Variants in EDA2R observed in about 807,000 individuals in gnomAD.
The protein encoded by EDA2R is ectodysplasin A2 receptor, also known as tumor necrosis factor receptor superfamily member 27.
Under a neutral mutation model 20.1 loss-of-function variants are expected in EDA2R, and 26 were observed. The ratio of observed to expected loss-of-function variants is 1.30; its 90% CI spans 0.95 to 1.80. EDA2R has a LOEUF of 1.80. EDA2R is among the 40% of genes most tolerant of loss of function. EDA2R has a pLI of 0.00. For synonymous variants in EDA2R, 114 were observed against 88.7 expected, an observed-to-expected ratio of 1.29 and a Z score of -1.60; for missense variants, 277 against 228.7, an observed-to-expected ratio of 1.21 and a Z score of -1.36.
intron 1 of EDA2R, among the ~76,000 whole-genome samples, chrX:66,622,367 C>T (rs1932753097): frequency 1.8e-5 from 2 of 111,896 alleles, no homozygotes; most frequent in South Asian, 7.4e-4. Context: ...GCTGGGGGTG[C>T]AGCTGCTCCT....
intron 1 of EDA2R, among the ~76,000 whole-genome samples, chrX:66,619,317 AT>A (rs1478361521): frequency 8.9e-6 from 1 of 112,379 alleles, no homozygotes; most frequent in Non-Finnish European, 1.9e-5. Flanking sequence ...TGTTTGCTGG[AT>A]TTTTTTCATC....
chrX:66,618,703 C>T (rs1046178536), intron 1 of EDA2R, among the ~76,000 whole-genome samples: 8 of 111,950 alleles, frequency 7.1e-5, no homozygotes, highest in Non-Finnish European at 1.3e-4. Context: ...TGCTACATTC[C>T]CTGGACTATG....
rs1295444831 is a variant in EDA2R, at chrX:66,639,059, G to T, written c.-75C>A. 9.5e-6 allele frequency: 1 copy of T among 105,812 alleles called. No individual in the cohort carries two copies. The highest frequency in any genetic ancestry group is 1.9e-5 in the Non-Finnish European group (1 of 51,442). 8.7% of individuals were successfully genotyped at this position (105,812 alleles called of 1,213,427 possible). A position where few individuals can be genotyped will look rare whatever the true frequency, so the allele number is the denominator to read the frequency against. The stretch of plus-strand genomic sequence containing the variant: ...GACTCCGGTACAAATCCACCTCAGC[G>T]CAGAGCACACATCTCACCCAGCCCC... On this transcript the variant is annotated 5_prime_UTR_variant, in exon 1 of 7. Coordinates refer to ENST00000374719, the MANE Select transcript of EDA2R (RefSeq NM_021783.5).
chrX:66,628,788 T>C (rs1220145758), intron 1 of EDA2R, among the ~76,000 whole-genome samples: 1 of 110,704 alleles, frequency 9.0e-6, no homozygotes, highest in African/African-American at 3.3e-5. Flanking sequence ...ACCAATCCTT[T>C]TGGCACTATT....
In EDA2R at chrX:66,605,104, A is replaced by T; in HGVS notation, c.210T>A (p.Val70=). 2 of 1,209,258 alleles carry T rather than the reference A, an allele frequency of 1.7e-6. No individual in the cohort carries two copies. The highest frequency in any genetic ancestry group is 3.5e-5 in the South Asian group (2 of 56,348). Residue 70 remains valine, a synonymous_variant, in exon 3 of 7, where the codon GTT becomes GTA. Coordinates refer to ENST00000374719, the MANE Select transcript of EDA2R (RefSeq NM_021783.5). ...AGGTAGCTGTGCAGTTGACCTTCTG[A>T]ACACGATTGATGACAGCACAGGTGA... ...SCITCAVINR[V]QKVNCTATSN...
intron 1 of EDA2R, among the ~76,000 whole-genome samples, chrX:66,638,686 T>A (rs1179186457): frequency 9.0e-6 from 1 of 110,675 alleles, no homozygotes; most frequent in Non-Finnish European, 1.9e-5. Context: ...CTTCTTTATC[T>A]CCCAACCCTA....
At chrX:66,634,881 A>G (rs758488421) in intron 1 of EDA2R, among the ~76,000 whole-genome samples, 2 of 111,726 alleles carry the variant, frequency 1.8e-5, no homozygotes, top group South Asian at 7.6e-4. Context: ...AACAATTCCA[A>G]AGGGTGGGCT....
At chrX:66,605,366 C>T (rs1313988244) in intron 2 of EDA2R, 140 bp from the exon 3 acceptor site, 2 of 432,101 alleles carry the variant, frequency 4.6e-6, no homozygotes, top group Non-Finnish European at 7.5e-6. Flanking sequence ...TCACTAGCTT[C>T]CAGCCAGCAT....
chrX:66,611,230 G>A (rs1930685169), intron 2 of EDA2R, among the ~76,000 whole-genome samples: 1 of 111,477 alleles, frequency 9.0e-6, no homozygotes, highest in African/African-American at 3.3e-5. Context: ...ATGACTGCCT[G>A]CTAAAGTAAA....
chrX:66,603,627 T>G (rs1929064638), intron 4 of EDA2R, among the ~76,000 whole-genome samples: 1 of 111,895 alleles, frequency 8.9e-6, no homozygotes, highest in Non-Finnish European at 1.9e-5. Flanking sequence ...ATAAAGTCAC[T>G]GAGATTTTGC....
At chrX:66,622,475 A>G (rs1031448753) in intron 1 of EDA2R, among the ~76,000 whole-genome samples, 4 of 111,632 alleles carry the variant, frequency 3.6e-5, no homozygotes, top group African/African-American at 1.3e-4. Context: ...GGAAAGAAGG[A>G]CAAGTCTAAA....
At chrX:66,625,813 G>A (rs1441707763) in intron 1 of EDA2R, among the ~76,000 whole-genome samples, 1 of 112,156 alleles carries the variant, frequency 8.9e-6, no homozygotes, top group Non-Finnish European at 1.9e-5. Flanking sequence ...ACAGCTGATA[G>A]ACCAATAGAT....
At chrX:66,628,242 A>G (rs1213024857) in intron 1 of EDA2R, among the ~76,000 whole-genome samples, 1 of 111,304 alleles carries the variant, frequency 9.0e-6, no homozygotes, top group Non-Finnish European at 1.9e-5. Context: ...AAAGAGCACA[A>G]ACTGACATTC....
intron 2 of EDA2R, among the ~76,000 whole-genome samples, chrX:66,615,627 T>C (rs760774551): frequency 3.6e-5 from 4 of 111,423 alleles, no homozygotes; most frequent in South Asian, 3.8e-4. Flanking sequence ...TTGAACACCA[T>C]GTGGTTGGGC....
In EDA2R at chrX:66,598,978, T is replaced by C. The variant is rs551168185; in HGVS notation, c.*10+496A>G. Among the ~76,000 whole-genome samples the C allele has an allele frequency of 8.0e-5, 9 of 111,958 alleles. 1 individual carries two copies. Among genetic ancestry groups the C allele is most frequent in the African/African-American group, 2.6e-4 (8 of 30,867 alleles). On this transcript the variant is annotated intron_variant, in intron 6 of 6. Coordinates refer to ENST00000374719, the MANE Select transcript of EDA2R (RefSeq NM_021783.5). ...AGTTCTAGCCCACTAATTTGCCCTGTGACTTTGAGAAACTAACTTTCCCTC... is the reference window on the plus strand; with the variant it reads ...AGTTCTAGCCCACTAATTTGCCCTGCGACTTTGAGAAACTAACTTTCCCTC...
At chrX:66,599,263 C>T (rs1210536186) in intron 6 of EDA2R, among the ~76,000 whole-genome samples, 1 of 111,230 alleles carries the variant, frequency 9.0e-6, no homozygotes. Flanking sequence ...CTTGCCAGTT[C>T]CCTGACAATT....
chrX:66,624,117 C>T (rs1932853529), intron 1 of EDA2R, among the ~76,000 whole-genome samples: 1 of 112,346 alleles, frequency 8.9e-6, no homozygotes, highest in Non-Finnish European at 1.9e-5. Context: ...ACTGGGAATA[C>T]TCTCCTGTCT....
At chrX:66,634,020 C>T (rs142705831) in intron 1 of EDA2R, among the ~76,000 whole-genome samples, 2,122 of 110,782 alleles carry the variant, frequency 0.019, 32 homozygotes, top group Non-Finnish European at 0.029. Context: ...TTTTTTTTCC[C>T]ATGGCAATCA....
At chrX:66,634,117 C>G (rs1026705671) in intron 1 of EDA2R, among the ~76,000 whole-genome samples, 1 of 111,809 alleles carries the variant, frequency 8.9e-6, no homozygotes, top group Non-Finnish European at 1.9e-5. Context: ...CAAGCCCAAC[C>G]CAGGTCCACA....
Sources: gnomAD v4.1 joint callset for allele counts (sites outside exome capture counted in the v4.1 genomes callset) on GRCh38, gnomAD v4.1.1 for gene constraint, MANE v1.5 for transcripts, NCBI Gene and HGNC (gene_info 2026-07-23, HGNC 2026-07-21) for gene names.